The following NBEA variants were observed in gnomAD, a reference collection of about 807,000 sequenced individuals.
NBEA encodes the protein neurobeachin.
Under a neutral mutation model 343.4 loss-of-function variants are expected in NBEA, and 44 were observed. The observed-to-expected ratio is 0.13, with a 90% CI of 0.10 to 0.16. The LOEUF is 0.16. NBEA is among the 10% of genes least tolerant of loss of function. NBEA has a pLI of 1.00. For synonymous variants in NBEA, 1,175 were observed against 1,238.7 expected (o/e 0.95, Z 1.08); for missense variants, 2,555 against 3,631.3 (o/e 0.70, Z 7.62).
chr13:35,233,450 T>C (rs1426827257), intron 34 of NBEA, among the ~76,000 whole-genome samples: 1 of 152,142 alleles, frequency 6.6e-6, no homozygotes, highest in Non-Finnish European at 1.5e-5. Flanking sequence ...ATCTGGGAGC[T>C]GACTTTGAAT....
intron 41 of NBEA, among the ~76,000 whole-genome samples, chr13:35,541,317 G>T (rs1004293756): frequency 1.3e-5 from 2 of 151,614 alleles, no homozygotes; most frequent in African/African-American, 2.4e-5. Flanking sequence ...ACCAAACTGT[G>T]AACTCCTAGA....
chr13:35,533,419 C>T (rs1005702551), intron 41 of NBEA, among the ~76,000 whole-genome samples: 2 of 152,068 alleles, frequency 1.3e-5, no homozygotes, highest in Admixed American at 6.6e-5. Flanking sequence ...ATTTATAATA[C>T]GTATAATGAA....
chr13:35,250,652 T>A, intron 34 of NBEA, among the ~76,000 whole-genome samples: 1 of 152,180 alleles, frequency 6.6e-6, no homozygotes, highest in East Asian at 1.9e-4. Context: ...AGCAATTTCA[T>A]TCTTGGGAAT....
rs867546713 is a variant in NBEA, at chr13:34,942,566, C to A, written c.-255C>A. Reference sequence around the variant, plus strand: ...GGCAGCGGCACACCTGCTGGGCGGGCACAGCCGCTTGCCCGGCAGCGGTTA... The same window carrying A: ...GGCAGCGGCACACCTGCTGGGCGGGAACAGCCGCTTGCCCGGCAGCGGTTA... On this transcript the variant is annotated 5_prime_UTR_variant, in exon 1 of 59. Coordinates refer to ENST00000379939, the MANE Select transcript of NBEA (RefSeq NM_001385012.1). The A allele has an allele frequency of 1.3e-5, 3 of 228,396 alleles. 1 individual carries two copies. Among genetic ancestry groups the A allele is most frequent in the Non-Finnish European group, 2.5e-5 (3 of 118,906 alleles). The allele number at this position is 228,396 out of a possible 1,614,324, so 14.1% of individuals were successfully genotyped here. A position where few individuals can be genotyped will look rare whatever the true frequency, so the allele number is the denominator to read the frequency against.
intron 21 of NBEA, among the ~76,000 whole-genome samples, 175 bp downstream of exon 21, chr13:35,157,445 T>C (rs566469437): frequency 2.0e-5 from 3 of 152,248 alleles, no homozygotes; most frequent in Non-Finnish European, 2.9e-5. Context: ...AAGTGGCTTA[T>C]AGATGAATTA....
chr13:35,255,790 G>T (rs2032521845), intron 34 of NBEA, among the ~76,000 whole-genome samples: 1 of 152,218 alleles, frequency 6.6e-6, no homozygotes, highest in African/African-American at 2.4e-5. Flanking sequence ...TGGGAGGATT[G>T]TTTCAGCCCT....
At chr13:35,423,169 A>T (rs2044409234) in intron 38 of NBEA, among the ~76,000 whole-genome samples, 1 of 152,042 alleles carries the variant, frequency 6.6e-6, no homozygotes, top group Non-Finnish European at 1.5e-5. Context: ...CCCATTTGTC[A>T]ATTTTGGCTT....
chr13:35,624,234 T>A (rs929403301), intron 48 of NBEA, among the ~76,000 whole-genome samples: 1 of 152,116 alleles, frequency 6.6e-6, no homozygotes, highest in African/African-American at 2.4e-5. Context: ...TAAGAGTGGC[T>A]ACAAACACAA....
chr13:35,542,994 T>C (rs1458097325), intron 41 of NBEA, among the ~76,000 whole-genome samples: 1 of 152,050 alleles, frequency 6.6e-6, no homozygotes, highest in East Asian at 1.9e-4. Flanking sequence ...TATGTTATAC[T>C]ACTCTGCAAA....
At chr13:35,185,948 G>C (rs1468215950) in intron 30 of NBEA, 1 of 152,000 alleles carries the variant, frequency 6.6e-6, no homozygotes, top group African/African-American at 2.4e-5. Flanking sequence ...TATGATCAAA[G>C]AGCACAAACA....
intron 13 of NBEA, among the ~76,000 whole-genome samples, chr13:35,113,836 G>A (rs1262545450): frequency 6.6e-6 from 1 of 152,138 alleles, no homozygotes; most frequent in Admixed American, 6.6e-5. Flanking sequence ...TTGTTCTAGT[G>A]AAACTTACAA....
chr13:35,472,276 C>T (rs2075685656), intron 40 of NBEA, 124 bp from the exon 41 acceptor site: 2 of 976,244 alleles, frequency 2.0e-6, no homozygotes, highest in Non-Finnish European at 2.9e-6. Flanking sequence ...AAGAGTTTGC[C>T]GCATAATACA....
At chr13:35,183,216 T>C (rs1363539507) in intron 29 of NBEA, among the ~76,000 whole-genome samples, 2 of 152,052 alleles carry the variant, frequency 1.3e-5, no homozygotes, top group African/African-American at 2.4e-5. Context: ...CATTTTAATA[T>C]TGGACACCTT....
At chr13:35,613,557 T>C (rs2082613756) in intron 48 of NBEA, among the ~76,000 whole-genome samples, 1 of 152,142 alleles carries the variant, frequency 6.6e-6, no homozygotes, top group Admixed American at 6.6e-5. Flanking sequence ...TTACTTTGGG[T>C]AAATACCTAG....
chr13:35,540,076 C>G (rs1398160050), intron 41 of NBEA, among the ~76,000 whole-genome samples: 1 of 151,888 alleles, frequency 6.6e-6, no homozygotes, highest in East Asian at 1.9e-4. Flanking sequence ...ACCCTGTAAT[C>G]TTGTTTCATT....
intron 41 of NBEA, among the ~76,000 whole-genome samples, chr13:35,549,972 G>C (rs930770012): frequency 2.6e-5 from 4 of 152,146 alleles, no homozygotes; most frequent in African/African-American, 9.7e-5. Context: ...GCAAAACTGA[G>C]TAGTTGCAAC....
intron 41 of NBEA, among the ~76,000 whole-genome samples, chr13:35,492,205 G>A (rs1279356420): frequency 6.6e-6 from 1 of 151,916 alleles, no homozygotes; most frequent in Non-Finnish European, 1.5e-5. Context: ...GAAAGGGTCA[G>A]AAGGGAATGA....
chr13:35,513,883 A>G (rs2077381318), intron 41 of NBEA, among the ~76,000 whole-genome samples: 1 of 152,176 alleles, frequency 6.6e-6, no homozygotes. Context: ...TCTTTCAAAT[A>G]TAATTTGAGA....
In NBEA at chr13:35,651,798, T is replaced by C. The variant is rs1189639576; in HGVS notation, c.7964-7T>C. On this transcript the variant is annotated splice_region_variant and splice_polypyrimidine_tract_variant and intron_variant, in intron 52 of 58. Transcript: ENST00000379939. ...TGTTAGTTTTTCTCTCTTTTTTTAATCTTTAGGCCTCAGAGGAGCTCCAGG... is the reference window on the plus strand; with the variant it reads ...TGTTAGTTTTTCTCTCTTTTTTTAACCTTTAGGCCTCAGAGGAGCTCCAGG... The C allele has an allele frequency of 2.6e-6, 4 of 1,513,682 alleles. No homozygotes were observed. Among genetic ancestry groups the C allele is most frequent in the East Asian group, 2.5e-5 (1 of 40,778 alleles). The allele number at this position is 1,513,682 out of a possible 1,614,324, so 93.8% of individuals were successfully genotyped here.
Sources: allele counts gnomAD v4.1 joint callset (sites outside exome capture counted in the v4.1 genomes callset), GRCh38; gene constraint gnomAD v4.1.1; transcripts MANE v1.5; gene names NCBI Gene and HGNC (gene_info 2026-07-23, HGNC 2026-07-21).